The following CRLF3 variants were observed in gnomAD, a reference collection of about 807,000 sequenced individuals.
The protein encoded by CRLF3 is cytokine receptor like factor 3.
Under a neutral mutation model 55.0 loss-of-function variants are expected in CRLF3, and 33 were observed. The observed-to-expected ratio is 0.60, with a 90% CI of 0.46 to 0.80. CRLF3 has a LOEUF of 0.80. Ranked by LOEUF, CRLF3 falls within the 30% of genes least tolerant of loss-of-function variation. CRLF3 has a pLI of 0.00. For missense variants in CRLF3, 494 were observed against 538.4 expected, an observed-to-expected ratio of 0.92 and a Z score of 0.82; for synonymous variants, 238 against 196.8, an observed-to-expected ratio of 1.21 and a Z score of -1.75.
At chr17:30,796,423 A>G in intron 3 of CRLF3, 86 bp from the exon 4 acceptor site, 1 of 1,003,180 alleles carries the variant, frequency 1.0e-6, no homozygotes, top group Non-Finnish European at 1.4e-6. Flanking sequence ...CACATGCTTG[A>G]AAGATCCTGA....
rs887729190 is a variant in CRLF3, at chr17:30,792,626, C to T, written c.827-54G>A. The stretch of plus-strand genomic sequence containing the variant: ...GTTAGAATCTCTTGAGGGATATCTT[C>T]AATACAGACACGTTAAATAAAACAT... On this transcript the variant is annotated intron_variant, in intron 5 of 7. Transcript: ENST00000324238. 4.0e-6 allele frequency: 6 copies of T among 1,491,668 alleles called. No homozygotes were observed. The African/African-American group carries it at 6.9e-5, about 17-fold the overall frequency. The allele number at this position is 1,491,668 out of a possible 1,614,324, so 92.4% of individuals were successfully genotyped here. A position where few individuals can be genotyped will look rare whatever the true frequency, so the allele number is the denominator to read the frequency against.
intron 1 of CRLF3, among the ~76,000 whole-genome samples, chr17:30,812,556 T>C (rs1904658974): frequency 1.3e-5 from 2 of 152,154 alleles, no homozygotes; most frequent in Non-Finnish European, 2.9e-5. Context: ...AAGTGCTTAA[T>C]TGAGAACTTT....
At chr17:30,784,648 A>G (rs1971592963) in intron 7 of CRLF3, 1 of 469,680 alleles carries the variant, frequency 2.1e-6, no homozygotes, top group African/African-American at 2.0e-5. Context: ...GTGTCATCAA[A>G]AGAAACTTGA....
intron 1 of CRLF3, among the ~76,000 whole-genome samples, chr17:30,816,271 G>A (rs1191462943): frequency 2.8e-5 from 4 of 142,038 alleles, no homozygotes; most frequent in Non-Finnish European, 6.1e-5. Flanking sequence ...GACAGAGCAA[G>A]ACTCCATCTC....
chr17:30,819,793 A>T (rs1904934021), intron 1 of CRLF3, among the ~76,000 whole-genome samples: 1 of 152,206 alleles, frequency 6.6e-6, no homozygotes, highest in South Asian at 2.1e-4. Flanking sequence ...ACACAAATAG[A>T]ACTTATATTT....
intron 1 of CRLF3, among the ~76,000 whole-genome samples, chr17:30,814,116 C>T (rs1904709251): frequency 6.6e-6 from 1 of 151,844 alleles, no homozygotes; most frequent in Admixed American, 6.6e-5. Flanking sequence ...AATTAGCTGG[C>T]CTTGGTGGCG....
At chr17:30,785,889 C>T (rs368534748) in intron 7 of CRLF3, 30 bp downstream of exon 7, 1 of 1,133,236 alleles carries the variant, frequency 8.8e-7, no homozygotes, top group Non-Finnish European at 1.3e-6. Context: ...TAATATATTT[C>T]CAAGAGAATG....
chr17:30,789,450 A>G (rs1409993487), intron 6 of CRLF3, among the ~76,000 whole-genome samples: 1 of 152,240 alleles, frequency 6.6e-6, no homozygotes, highest in Non-Finnish European at 1.5e-5. Flanking sequence ...GTGAAAGGTC[A>G]TAAGAGGTAA....
At chr17:30,818,872 G>C (rs908740216) in intron 1 of CRLF3, among the ~76,000 whole-genome samples, 4 of 151,002 alleles carry the variant, frequency 2.6e-5, no homozygotes, top group Middle Eastern at 3.2e-3. Flanking sequence ...CTGGAGTGCA[G>C]TGGTGCCATC....
intron 3 of CRLF3, 26 bp from the exon 4 acceptor site, chr17:30,796,363 T>C (rs1262851863): frequency 7.0e-6 from 11 of 1,574,976 alleles, no homozygotes; most frequent in East Asian, 2.3e-5. Context: ...TCATGTGTTA[T>C]GAGACCTCTA....
chr17:30,795,294 A>G (rs1971895491), intron 4 of CRLF3, among the ~76,000 whole-genome samples: 1 of 146,682 alleles, frequency 6.8e-6, no homozygotes, highest in Non-Finnish European at 1.5e-5. Context: ...CAACCTGACC[A>G]ACATGGAGAA....
rs1971528625 is a variant in CRLF3, at chr17:30,782,918, AT to A, written c.*1268del. On this transcript the variant is annotated 3_prime_UTR_variant, in exon 8 of 8. Coordinates refer to ENST00000324238, the MANE Select transcript of CRLF3 (RefSeq NM_015986.4). ...TACTGGTAAAAATGAAATGAAAAAAATAATTCACATTAAAATAAAATCTGTA... is the reference window on the plus strand; with the variant it reads ...TACTGGTAAAAATGAAATGAAAAAAAAATTCACATTAAAATAAAATCTGTA... 6.6e-6 allele frequency: 1 copy of A among 152,232 alleles called. No individual in the cohort carries two copies. The highest frequency in any genetic ancestry group is 2.1e-4 in the South Asian group (1 of 4,832). The allele number at this position is 152,232 out of a possible 1,614,324, so 9.4% of individuals were successfully genotyped here.
chr17:30,803,607 T>C (rs886277203), intron 2 of CRLF3: 9 of 298,466 alleles, frequency 3.0e-5, no homozygotes, highest in East Asian at 7.8e-5. Context: ...TGGGAGATAA[T>C]TGAATCATGG....
chr17:30,793,413 T>C (rs1971854949), intron 5 of CRLF3, 37 bp downstream of exon 5: 5 of 1,506,334 alleles, frequency 3.3e-6, no homozygotes, highest in South Asian at 1.1e-5. Flanking sequence ...TTCTAATATA[T>C]AGTTAGGCTT....
intron 1 of CRLF3, among the ~76,000 whole-genome samples, chr17:30,822,913 A>G (rs1905037679): frequency 6.6e-6 from 1 of 152,210 alleles, no homozygotes; most frequent in Non-Finnish European, 1.5e-5. Flanking sequence ...CAGAAGGAAT[A>G]ATGCAGATAT....
intron 1 of CRLF3, among the ~76,000 whole-genome samples, chr17:30,804,593 T>C (rs1245948533): frequency 6.6e-6 from 1 of 152,204 alleles, no homozygotes; most frequent in Non-Finnish European, 1.5e-5. Flanking sequence ...TTTATTTCTG[T>C]ATCTGGCTTA....
intron 6 of CRLF3, among the ~76,000 whole-genome samples, chr17:30,790,315 C>T (rs1435813683): frequency 1.3e-5 from 2 of 152,136 alleles, no homozygotes; most frequent in Admixed American, 6.5e-5. Flanking sequence ...ATCAGGCAAA[C>T]TTTACTTCTC....
chr17:30,790,769 A>C (rs965036573), intron 6 of CRLF3: 15 of 151,732 alleles, frequency 9.9e-5, no homozygotes, highest in African/African-American at 3.6e-4. Context: ...GGCGCACCTC[A>C]CCACACCCAG....
Position 30,788,908 on chromosome 17 carries a change from C to T in CRLF3, c.960-2877G>A, listed in dbSNP as rs77249545. Among the ~76,000 whole-genome samples the T allele has an allele frequency of 4.6e-5, 7 of 151,976 alleles. No individual in the cohort carries two copies. In the East Asian group the frequency reaches 9.7e-4, roughly 21 times the overall value. On this transcript the variant is annotated intron_variant, in intron 6 of 7. Coordinates refer to ENST00000324238, the MANE Select transcript of CRLF3 (RefSeq NM_015986.4). ...GGCGTGAGCCACCGTGCCCGGCTAACGTAGTGCCTTCAAGAGTATAGTCTC... is the reference window on the plus strand; with the variant it reads ...GGCGTGAGCCACCGTGCCCGGCTAATGTAGTGCCTTCAAGAGTATAGTCTC...
Sources: allele counts gnomAD v4.1 joint callset (sites outside exome capture counted in the v4.1 genomes callset), GRCh38; gene constraint gnomAD v4.1.1; transcripts MANE v1.5; gene names NCBI Gene and HGNC (gene_info 2026-07-23, HGNC 2026-07-21).